The following ROS1 variants were observed in gnomAD, a reference collection of about 807,000 sequenced individuals.
ROS1 encodes the protein ROS proto-oncogene 1, receptor tyrosine kinase.
In ROS1, 263 loss-of-function variants were observed where a neutral mutation model predicts 273.5. That is an observed-to-expected ratio of 0.96 (90% confidence interval 0.87 to 1.06). The LOEUF (loss-of-function observed/expected upper bound fraction) is 1.06, where lower values mean the gene tolerates loss of function less well. Ranked by LOEUF, ROS1 falls within the 50% of genes least tolerant of loss-of-function variation. The pLI, the probability that ROS1 is intolerant of heterozygous loss-of-function variation, is 0.00. For missense variants in ROS1, 2,833 were observed against 2,751.1 expected (o/e 1.03, Z -0.67); for synonymous variants, 1,008 against 954.1 (o/e 1.06, Z -1.04).
At chr6:117,298,804 C>T (rs1774450567) in intron 43 of ROS1, among the ~76,000 whole-genome samples, 1 of 152,168 alleles carries the variant, frequency 6.6e-6, no homozygotes, top group Non-Finnish European at 1.5e-5. Context: ...AAATGGAAGA[C>T]ATTAAATACA....
chr6:117,298,923 G>C (rs1353159387), intron 43 of ROS1, among the ~76,000 whole-genome samples: 1 of 152,110 alleles, frequency 6.6e-6, no homozygotes, highest in African/African-American at 2.4e-5. Flanking sequence ...CTTAGAAAAT[G>C]ACAAGGCCTT....
chr6:117,383,307 A>C lies in ROS1; in HGVS notation c.2481+10T>G. 6.2e-7 allele frequency: 1 copy of C among 1,603,728 alleles called. No individual in the cohort carries two copies. The highest frequency in any genetic ancestry group is 8.5e-7 in the Non-Finnish European group (1 of 1,170,982). On this transcript the variant is annotated intron_variant, in intron 17 of 43. Coordinates refer to ENST00000368507, the MANE Select transcript of ROS1 (RefSeq NM_001378902.1). The stretch of plus-strand genomic sequence containing the variant: ...GTATTACTAAATGATCAGATCTTTT[A>C]ATTTGTCACCTTTTTCCCAGAAAAC...
intron 43 of ROS1, among the ~76,000 whole-genome samples, chr6:117,291,124 A>C (rs1773806832): frequency 6.6e-6 from 1 of 152,180 alleles, no homozygotes; most frequent in African/African-American, 2.4e-5. Context: ...TTATCAATTT[A>C]GTGATTTCCA....
At chr6:117,348,795 T>C (rs1412433398) in intron 27 of ROS1, among the ~76,000 whole-genome samples, 1 of 152,040 alleles carries the variant, frequency 6.6e-6, no homozygotes, top group Non-Finnish European at 1.5e-5. Flanking sequence ...TTTGTTTTCA[T>C]TTTTAGTTCA....
intron 27 of ROS1, among the ~76,000 whole-genome samples, chr6:117,352,127 C>T (rs1474183213): frequency 3.3e-5 from 5 of 152,180 alleles, no homozygotes; most frequent in African/African-American, 1.2e-4. Context: ...GTCGCCCAGG[C>T]TGGAGAGCAG....
chr6:117,391,192 G>A (rs1334870939), intron 12 of ROS1, among the ~76,000 whole-genome samples: 1 of 152,206 alleles, frequency 6.6e-6, no homozygotes, highest in Non-Finnish European at 1.5e-5. Flanking sequence ...TTTGAGATAT[G>A]TAGCTATGTT....
In ROS1 at chr6:117,287,954, T is replaced by C. The variant is rs768333967; in HGVS notation, c.*538A>G. ...AAAAAAATTAAAAAAAGATAATATA[T>C]ATATCATTGCAGTAACAGCTTTCCA... On this transcript the variant is annotated 3_prime_UTR_variant, in exon 44 of 44. Coordinates refer to ENST00000368507, the MANE Select transcript of ROS1 (RefSeq NM_001378902.1). Among the ~76,000 whole-genome samples the C allele has an allele frequency of 1.3e-5, 2 of 151,570 alleles. No individual in the cohort carries two copies. Among genetic ancestry groups the C allele is most frequent in the Admixed American group, 6.6e-5 (1 of 15,182 alleles).
intron 33 of ROS1, chr6:117,328,893 A>C (rs2128591392): frequency 1.6e-6 from 1 of 612,202 alleles, no homozygotes; most frequent in East Asian, 3.4e-5. Context: ...CCATTTCAGA[A>C]CCTGACCTAA....
chr6:117,417,486 AT>A (rs199663459), intron 2 of ROS1, among the ~76,000 whole-genome samples: 3,167 of 152,218 alleles, frequency 0.021, 113 homozygotes, highest in African/African-American at 0.072. Context: ...TTGTTCCCAC[AT>A]TTGGAGTGAT....
chr6:117,318,211 G>A lies in ROS1; in HGVS notation c.5964C>T (p.Phe1988=), dbSNP rs375091643. Residue 1988 remains phenylalanine, a synonymous_variant, in exon 38 of 44, where the codon TTC becomes TTT. Transcript: ENST00000368507. ...KGSTDQEKIE[F]LKEAHLMSKF... ...ACCTCATCAGATGTGCCTCCTTCAGGAATTCAATCTTCTCCTGGTCTGTGG... is the reference window on the plus strand; with the variant it reads ...ACCTCATCAGATGTGCCTCCTTCAGAAATTCAATCTTCTCCTGGTCTGTGG... 1.8e-5 allele frequency: 29 copies of A among 1,612,790 alleles called. No individual in the cohort carries two copies. The African/African-American group carries it at 3.7e-4, about 21-fold the overall frequency.
rs1777908292 is a variant in ROS1 at position 117,341,407 on chromosome 6, A to G, written c.4877T>C (p.Val1626Ala). The change falls in exon 30 of 44, where the codon GTG (valine) becomes GCG (alanine). Residue 1626 changes from valine to alanine, a missense_variant. Coordinates refer to ENST00000368507, the MANE Select transcript of ROS1 (RefSeq NM_001378902.1). The stretch of plus-strand genomic sequence containing the variant: ...CTAGTAAACTCACTGTACCTTTAAC[A>G]CATAAATATTTCCACCAGACAGTCT... ...VTRLSGGNIY[V>A]LKVLACHSEE... 1 of 1,613,116 alleles carries G rather than the reference A, an allele frequency of 6.2e-7. No individual in the cohort carries two copies. Among genetic ancestry groups the G allele is most frequent in the Non-Finnish European group, 8.5e-7 (1 of 1,179,260 alleles).
rs1775987512 is a variant in ROS1, at chr6:117,317,285, A to C, written c.5988-13T>G. The C allele has an allele frequency of 6.2e-7, 1 of 1,609,978 alleles. No individual in the cohort carries two copies. ...ATGATTAAATTTGCTGAAAGGTGGA[A>C]AGACACAGGCTGGATGATATGACAG... On this transcript the variant is annotated splice_polypyrimidine_tract_variant and intron_variant, in intron 38 of 43. Transcript: ENST00000368507.
intron 38 of ROS1, 52 bp downstream of exon 38, chr6:117,318,136 A>G: frequency 7.4e-7 from 1 of 1,344,622 alleles, no homozygotes. Context: ...AAATAAGTCA[A>G]GCGGACTTAA....
intron 24 of ROS1, among the ~76,000 whole-genome samples, chr6:117,359,555 A>G (rs1779608194): frequency 6.6e-6 from 1 of 152,218 alleles, no homozygotes; most frequent in South Asian, 2.1e-4. Flanking sequence ...AGCAAAGCCT[A>G]TAAACTTTCA....
chr6:117,339,468 T>C (rs1277577279), intron 31 of ROS1, among the ~76,000 whole-genome samples: 2 of 152,182 alleles, frequency 1.3e-5, no homozygotes, highest in Non-Finnish European at 2.9e-5. Flanking sequence ...TCTCTTTTAT[T>C]GCCCACTCCT....
In ROS1 at chr6:117,383,340, G is replaced by T. The variant is rs761936637; in HGVS notation, c.2458C>A (p.Gln820Lys). ...ACCTTTTTCCCAGAAAACCAAGGCTGTGTCTGTAGTACAAGGGAACTTTCC... is the reference window on the plus strand; with the variant it reads ...ACCTTTTTCCCAGAAAACCAAGGCTTTGTCTGTAGTACAAGGGAACTTTCC... ...NGESSLVLQT[Q>K]PWFSGKKVIA... is the part of the protein sequence containing the mutation. Residue 820 changes from glutamine (Q) to lysine (K), a missense_variant, in exon 17 of 44, where the codon CAG (glutamine) becomes AAG (lysine). Transcript: ENST00000368507. 1 of 1,613,584 alleles carries T rather than the reference G, an allele frequency of 6.2e-7. No individual in the cohort carries two copies. The highest frequency in any genetic ancestry group is 8.5e-7 in the Non-Finnish European group (1 of 1,179,618).
intron 31 of ROS1, among the ~76,000 whole-genome samples, chr6:117,338,855 G>A (rs545378593): frequency 7.9e-5 from 12 of 152,162 alleles, no homozygotes; most frequent in African/African-American, 2.9e-4. Context: ...CTACCATAGA[G>A]GGATTTTCAA....
At position 117,288,487 on chromosome 6, in the gene ROS1, C is replaced by T. The variant is rs771898552; in HGVS notation, c.*5G>A. 27 of 1,597,170 alleles carry T rather than the reference C, an allele frequency of 1.7e-5. No homozygotes were observed. Among genetic ancestry groups the T allele is most frequent in the Middle Eastern group, 1.7e-4 (1 of 5,964 alleles). ...TCTCAACTCTCTATTTCCCAAACAA[C>T]GCTATTAATCAGACCCATCTCCATA... is the stretch of plus-strand genomic sequence containing the variant. On this transcript the variant is annotated 3_prime_UTR_variant, in exon 44 of 44. Transcript: ENST00000368507.
chr6:117,303,853 G>A (rs1431720302), intron 42 of ROS1, among the ~76,000 whole-genome samples: 1 of 152,114 alleles, frequency 6.6e-6, no homozygotes, highest in African/African-American at 2.4e-5. Flanking sequence ...ACTAGGTAAC[G>A]ATGGCCCAGA....
Sources: gnomAD v4.1 joint callset for allele counts (sites outside exome capture counted in the v4.1 genomes callset) on GRCh38, gnomAD v4.1.1 for gene constraint, MANE v1.5 for transcripts, NCBI Gene and HGNC (gene_info 2026-07-23, HGNC 2026-07-21) for gene names.